Variants in PALS1 observed in about 807,000 individuals in gnomAD.
PALS1 encodes the protein protein PALS1.
Under a neutral mutation model 78.9 loss-of-function variants are expected in PALS1, and 31 were observed. The observed-to-expected ratio is 0.39, with a 90% CI of 0.30 to 0.53. The LOEUF (loss-of-function observed/expected upper bound fraction) is 0.53. Ranked by LOEUF, PALS1 falls within the 20% of genes least tolerant of loss-of-function variation. PALS1 has a pLI of 0.67. For missense variants in PALS1, 704 were observed against 826.5 expected (o/e 0.85, Z 1.82); for synonymous variants, 276 against 270.9 (o/e 1.02, Z -0.18).
Position 67,333,620 on chromosome 14 carries a change from C to T in PALS1, c.*664C>T, listed in dbSNP as rs989997415. On this transcript the variant is annotated 3_prime_UTR_variant, in exon 15 of 15. Transcript: ENST00000261681. ...CTCAGACTTTGTGGATCAGACTCTA[C>T]ACTCAACACACTCTAATCTACTTAA... 4.6e-5 allele frequency: 7 copies of T among 152,624 alleles called. No homozygotes were observed. The highest frequency in any genetic ancestry group is 3.9e-4 in the Admixed American group (6 of 15,280). 9.5% of individuals were successfully genotyped at this position (152,624 alleles called of 1,614,324 possible).
chr14:67,270,535 A>G (rs1385852152), intron 2 of PALS1: 4 of 151,492 alleles, frequency 2.6e-5, no homozygotes, highest in African/African-American at 9.7e-5. Context: ...TTTACACACA[A>G]TGAGGTAATT....
At chr14:67,320,779 A>G (rs947764287) in intron 12 of PALS1, among the ~76,000 whole-genome samples, 1 of 152,214 alleles carries the variant, frequency 6.6e-6, no homozygotes, top group African/African-American at 2.4e-5. Flanking sequence ...GAAGATGAGT[A>G]GTAGTGTTTT....
At chr14:67,289,704 T>G (rs554114056) in intron 3 of PALS1, among the ~76,000 whole-genome samples, 21 of 152,060 alleles carry the variant, frequency 1.4e-4, no homozygotes, top group African/African-American at 5.1e-4. Context: ...GTCAGTGGTG[T>G]TTCTGCAGAC....
At chr14:67,261,157 A>G (rs1346510917) in intron 1 of PALS1, among the ~76,000 whole-genome samples, 1 of 152,200 alleles carries the variant, frequency 6.6e-6, no homozygotes, top group Non-Finnish European at 1.5e-5. Flanking sequence ...TCAGGAAACA[A>G]TAGCTTAAAG....
intron 2 of PALS1, among the ~76,000 whole-genome samples, chr14:67,276,798 C>G (rs2084513416): frequency 6.6e-6 from 1 of 152,156 alleles, no homozygotes; most frequent in Non-Finnish European, 1.5e-5. Flanking sequence ...GTAAATAGTA[C>G]AAGCATGAGA....
intron 2 of PALS1, 89 bp from the exon 3 acceptor site, chr14:67,278,929 C>T (rs912292944): frequency 2.0e-5 from 6 of 304,216 alleles, no homozygotes; most frequent in Non-Finnish European, 3.0e-5. Context: ...TTATTTTCTA[C>T]GTTGTATGGT....
At chr14:67,320,428 G>C (rs1166792033) in intron 12 of PALS1, 31 bp downstream of exon 12, 1 of 1,543,320 alleles carries the variant, frequency 6.5e-7, no homozygotes, top group African/African-American at 1.4e-5. Context: ...ATTTTCCTGT[G>C]CTTTTCAATT....
chr14:67,290,371 ATG>A (rs1272035076), intron 3 of PALS1, among the ~76,000 whole-genome samples: 1 of 152,202 alleles, frequency 6.6e-6, no homozygotes, highest in East Asian at 1.9e-4. Flanking sequence ...AGACTCTGAT[ATG>A]TGTAAGAATT....
At chr14:67,245,865 AT>A (rs139796495) in intron 1 of PALS1, among the ~76,000 whole-genome samples, 12,230 of 151,236 alleles carry the variant, frequency 0.081, 1,162 homozygotes, top group African/African-American at 0.23. Context: ...TTTTTCTCCA[AT>A]TTTTTTTTCC....
intron 14 of PALS1, among the ~76,000 whole-genome samples, chr14:67,330,724 C>G (rs898910395): frequency 4.0e-5 from 6 of 150,376 alleles, no homozygotes; most frequent in Non-Finnish European, 7.4e-5. Flanking sequence ...TTCCAAAGTG[C>G]TGGGATTATG....
chr14:67,316,821 C>G lies in PALS1; in HGVS notation c.1226-11C>G, dbSNP rs926936651. 3 of 1,597,202 alleles carry G rather than the reference C, an allele frequency of 1.9e-6. No homozygotes were observed. In the African/African-American group the frequency reaches 4.1e-5, roughly 22 times the overall value. The stretch of plus-strand genomic sequence containing the variant: ...AAATATTTTACCCTTCTTTTTCTTT[C>G]TGCTATTAAGGGAAAAGCTTTCAGC... On this transcript the variant is annotated splice_polypyrimidine_tract_variant and intron_variant, in intron 9 of 14. Transcript: ENST00000261681.
chr14:67,321,147 GAAAGT>G lies in PALS1; in HGVS notation c.1629_1633del (p.Lys544HisfsTer2), dbSNP rs2085257116. On this transcript the variant is annotated frameshift_variant, in exon 13 of 15. Coordinates refer to ENST00000261681, the MANE Select transcript of PALS1 (RefSeq NM_022474.4). LOFTEE classifies it high-confidence loss of function. ...GCATTCGAGGCAGACATAGCAGCTG[GAAAGT>G]TCATTGAGCATGGTGAATTTGAGAA... is the stretch of plus-strand genomic sequence containing the variant. 2 of 1,614,064 alleles carry G rather than the reference GAAAGT, an allele frequency of 1.2e-6. No homozygotes were observed. Among genetic ancestry groups the G allele is most frequent in the Non-Finnish European group, 1.7e-6 (2 of 1,180,042 alleles).
intron 14 of PALS1, among the ~76,000 whole-genome samples, chr14:67,332,109 G>C (rs750592256): frequency 2.6e-5 from 4 of 151,998 alleles, no homozygotes; most frequent in Non-Finnish European, 5.9e-5. Flanking sequence ...TTGAGTTTAA[G>C]TTAGTTGTCT....
intron 9 of PALS1, among the ~76,000 whole-genome samples, chr14:67,316,213 T>C (rs2140969908): frequency 6.6e-6 from 1 of 152,310 alleles, no homozygotes; most frequent in African/African-American, 2.4e-5. Context: ...AAAGAAAACC[T>C]CTTTCAAGGT....
intron 14 of PALS1, among the ~76,000 whole-genome samples, chr14:67,325,955 C>G (rs973785292): frequency 6.6e-6 from 1 of 150,714 alleles, no homozygotes; most frequent in Non-Finnish European, 1.5e-5. Flanking sequence ...ATTACAGGCA[C>G]CTGCCACCAC....
intron 14 of PALS1, among the ~76,000 whole-genome samples, chr14:67,325,168 G>A (rs1284202617): frequency 6.6e-6 from 1 of 152,056 alleles, no homozygotes; most frequent in African/African-American, 2.4e-5. Flanking sequence ...GCCTCCCAAA[G>A]TGCTGGGATT....
At chr14:67,257,889 A>G (rs2084171555) in intron 1 of PALS1, among the ~76,000 whole-genome samples, 1 of 152,166 alleles carries the variant, frequency 6.6e-6, no homozygotes, top group Non-Finnish European at 1.5e-5. Context: ...CACATATGCA[A>G]CACAAAAGTT....
chr14:67,259,510 G>T (rs1469813588), intron 1 of PALS1, among the ~76,000 whole-genome samples: 1 of 152,102 alleles, frequency 6.6e-6, no homozygotes, highest in East Asian at 1.9e-4. Context: ...TACTCAGGAG[G>T]CTGAGGCAGG....
chr14:67,306,054 C>T (rs1350343137), intron 8 of PALS1, among the ~76,000 whole-genome samples: 1 of 152,168 alleles, frequency 6.6e-6, no homozygotes, highest in African/African-American at 2.4e-5. Context: ...ACTGCAACCT[C>T]CGCCTCCCAG....
Sources: gnomAD v4.1 joint callset for allele counts (sites outside exome capture counted in the v4.1 genomes callset) on GRCh38, gnomAD v4.1.1 for gene constraint, MANE v1.5 for transcripts, NCBI Gene and HGNC (gene_info 2026-07-23, HGNC 2026-07-21) for gene names.